ERC2: variants seen among roughly 807,000 people sequenced by gnomAD.
The protein encoded by ERC2 is ERC protein 2.
A neutral mutation model predicts 114.8 loss-of-function variants in ERC2; 42 were observed. The observed-to-expected ratio is 0.37, with a 90% CI of 0.29 to 0.47. ERC2 has a LOEUF of 0.47. Among genes scored for constraint, ERC2 ranks in the 20% least tolerant of loss-of-function variants. The pLI is 0.99. For synonymous variants in ERC2, 454 were observed against 425.5 expected (o/e 1.07, Z -0.82); for missense variants, 939 against 1,150.7 (o/e 0.82, Z 2.66).
intron 17 of ERC2, among the ~76,000 whole-genome samples, chr3:55,572,403 T>C (rs1478565662): frequency 6.6e-6 from 1 of 152,110 alleles, no homozygotes; most frequent in Non-Finnish European, 1.5e-5. Context: ...CAATCCTCAA[T>C]ATCATCTCCC....
intron 15 of ERC2, among the ~76,000 whole-genome samples, chr3:55,717,963 G>T (rs1042854399): frequency 6.6e-6 from 1 of 152,178 alleles, no homozygotes; most frequent in African/African-American, 2.4e-5. Flanking sequence ...TCAGTGCACA[G>T]GGACTAATGT....
At chr3:55,854,862 G>C (rs55673265) in intron 14 of ERC2, among the ~76,000 whole-genome samples, 12,862 of 152,118 alleles carry the variant, frequency 0.085, 630 homozygotes, top group South Asian at 0.17. Flanking sequence ...GGAGGCTGGT[G>C]GGGAGGGTGG....
chr3:55,586,821 A>T (rs1293633461), intron 17 of ERC2, among the ~76,000 whole-genome samples: 1 of 152,254 alleles, frequency 6.6e-6, no homozygotes, highest in Non-Finnish European at 1.5e-5. Context: ...AATTGAAAAC[A>T]AAATTTAAAA....
chr3:56,378,876 CTTAAG>C (rs1480734591), intron 2 of ERC2, among the ~76,000 whole-genome samples: 1 of 152,142 alleles, frequency 6.6e-6, no homozygotes, highest in Non-Finnish European at 1.5e-5. Context: ...ACCCTGGCCT[CTTAAG>C]TTAGCCCTGC....
intron 13 of ERC2, among the ~76,000 whole-genome samples, chr3:55,892,113 A>T (rs1001618190): frequency 3.9e-5 from 6 of 152,208 alleles, no homozygotes; most frequent in Admixed American, 3.9e-4. Flanking sequence ...TTGCTTGCTT[A>T]TCAGATGATT....
At chr3:56,163,183 T>C (rs997363341) in intron 4 of ERC2, among the ~76,000 whole-genome samples, 1 of 152,098 alleles carries the variant, frequency 6.6e-6, no homozygotes, top group East Asian at 1.9e-4. Context: ...TTTTGAGAGA[T>C]CTTCTTGGTA....
chr3:55,678,368 T>C (rs1224983210), intron 17 of ERC2, among the ~76,000 whole-genome samples: 3 of 152,170 alleles, frequency 2.0e-5, no homozygotes, highest in Non-Finnish European at 4.4e-5. Flanking sequence ...ACCCCTTAAC[T>C]GACAGAATTC....
chr3:55,592,440 G>A (rs1365318636), intron 17 of ERC2, among the ~76,000 whole-genome samples: 1 of 152,016 alleles, frequency 6.6e-6, no homozygotes, highest in Non-Finnish European at 1.5e-5. Context: ...ATTCTTTTGG[G>A]ATTTGGCTGA....
At chr3:56,176,609 T>A (rs192193279) in intron 3 of ERC2, among the ~76,000 whole-genome samples, 1 of 152,324 alleles carries the variant, frequency 6.6e-6, no homozygotes, top group East Asian at 1.9e-4. Flanking sequence ...TTACAATATT[T>A]TTCAATCCTG....
At chr3:56,153,171 A>C (rs965222809) in intron 4 of ERC2, among the ~76,000 whole-genome samples, 1 of 152,170 alleles carries the variant, frequency 6.6e-6, no homozygotes, top group African/African-American at 2.4e-5. Context: ...CATTAATTCA[A>C]CAAATACATA....
chr3:55,611,241 G>C (rs2148566012), intron 17 of ERC2, among the ~76,000 whole-genome samples: 1 of 152,348 alleles, frequency 6.6e-6, no homozygotes, highest in African/African-American at 2.4e-5. Flanking sequence ...TGAGAAGACA[G>C]AATTTATTGA....
intron 14 of ERC2, among the ~76,000 whole-genome samples, chr3:55,850,525 A>G (rs2061525970): frequency 6.6e-6 from 1 of 152,206 alleles, no homozygotes; most frequent in Non-Finnish European, 1.5e-5. Flanking sequence ...AGACAGAGCT[A>G]GTACTTAGGT....
At chr3:56,045,880 C>T (rs2075429913) in intron 7 of ERC2, among the ~76,000 whole-genome samples, 1 of 152,090 alleles carries the variant, frequency 6.6e-6, no homozygotes, top group Admixed American at 6.5e-5. Context: ...CTATCACTCA[C>T]CGTGGTGTGA....
chr3:55,591,543 C>A (rs553014758), intron 17 of ERC2, among the ~76,000 whole-genome samples: 3 of 151,222 alleles, frequency 2.0e-5, no homozygotes, highest in African/African-American at 7.3e-5. Context: ...GAGCTATTTA[C>A]GAGGAGAATG....
intron 2 of ERC2, among the ~76,000 whole-genome samples, chr3:56,312,519 G>C (rs912350492): frequency 1.3e-5 from 2 of 152,116 alleles, no homozygotes; most frequent in African/African-American, 4.8e-5. Flanking sequence ...TCAAGATGAT[G>C]AAGTATTTAC....
chr3:56,017,240 G>C (rs1432320195), intron 8 of ERC2, among the ~76,000 whole-genome samples: 1 of 152,030 alleles, frequency 6.6e-6, no homozygotes. Context: ...GGAGAGGAGA[G>C]AGCATATGCA....
At chr3:56,059,235 C>T (rs1481080835) in intron 7 of ERC2, among the ~76,000 whole-genome samples, 2 of 151,966 alleles carry the variant, frequency 1.3e-5, no homozygotes, top group African/African-American at 4.8e-5. Flanking sequence ...GGACTATTGG[C>T]GCCCGCCAAC....
chr3:55,535,653 G>C (rs1469704741), intron 17 of ERC2, among the ~76,000 whole-genome samples: 8 of 152,156 alleles, frequency 5.3e-5, no homozygotes, highest in Admixed American at 5.2e-4. Context: ...ACCTGTGAAA[G>C]GGGCTAGGAC....
chr3:55,938,655 G>A (rs555618648), intron 13 of ERC2, among the ~76,000 whole-genome samples: 18 of 152,262 alleles, frequency 1.2e-4, no homozygotes, highest in African/African-American at 4.1e-4. Context: ...TTTTAAATGT[G>A]CGGTTTTCTA....
Sources: gnomAD v4.1 joint callset for allele counts (sites outside exome capture counted in the v4.1 genomes callset) on GRCh38, gnomAD v4.1.1 for gene constraint, MANE v1.5 for transcripts, NCBI Gene and HGNC (gene_info 2026-07-23, HGNC 2026-07-21) for gene names.